Variants in AGPAT4 observed in about 807,000 individuals in gnomAD.
AGPAT4 encodes 1-acyl-sn-glycerol-3-phosphate acyltransferase delta.
In AGPAT4, 15 loss-of-function variants were observed where a neutral mutation model predicts 48.0. The observed-to-expected ratio is 0.31, with a 90% CI of 0.21 to 0.48. The LOEUF (loss-of-function observed/expected upper bound fraction) is 0.48, where lower values mean the gene tolerates loss of function less well. Ranked by LOEUF, AGPAT4 falls within the 20% of genes least tolerant of loss-of-function variation. AGPAT4 has a pLI of 0.99. For synonymous variants in AGPAT4, 178 were observed against 198.7 expected (o/e 0.90, Z 0.88); for missense variants, 314 against 482.5 (o/e 0.65, Z 3.27).
At chr6:161,273,163 T>G (rs3798962) in intron 1 of AGPAT4, among the ~76,000 whole-genome samples, 1,783 of 152,320 alleles carry the variant, frequency 0.012, 26 homozygotes, top group East Asian at 0.052. Flanking sequence ...TAAGAAGTGT[T>G]TAGGTTTTCT....
At position 161,153,373 on chromosome 6, in the gene AGPAT4, T is replaced by C. The variant is rs1779647406; in HGVS notation, c.637A>G (p.Ile213Val). ...ACATTTCTCAAGCTCCTCACGGTGA[T>C]GGCGAAGCCCTTGGTTCGTGGCAAC... ...HLLPRTKGFA[I>V]TVRSLRNVVS... Residue 213 changes from isoleucine (I) to valine (V), a missense_variant, in exon 5 of 9, where the codon ATC becomes GTC. Ile to Val is a conservative substitution (Grantham distance 29, BLOSUM62 3). Coordinates refer to ENST00000320285, the MANE Select transcript of AGPAT4 (RefSeq NM_020133.3). 3 of 1,610,200 alleles carry C rather than the reference T, an allele frequency of 1.9e-6. No homozygotes were observed. Among genetic ancestry groups the C allele is most frequent in the Non-Finnish European group, 2.5e-6 (3 of 1,178,280 alleles).
chr6:161,194,347 CT>C (rs1781003260), intron 2 of AGPAT4, among the ~76,000 whole-genome samples: 1 of 152,120 alleles, frequency 6.6e-6, no homozygotes, highest in Non-Finnish European at 1.5e-5. Context: ...GATAAAGCTT[CT>C]TGGCAATGTT....
Position 161,243,162 on chromosome 6 carries a change from C to T in AGPAT4, c.-89-10860G>A, listed in dbSNP as rs1582903773. ...ATTGTCGATTTCATCATCGTCATTGCTGCTACGTGGCTGTGGCTGTCAGCT... is the reference window on the plus strand; with the variant it reads ...ATTGTCGATTTCATCATCGTCATTGTTGCTACGTGGCTGTGGCTGTCAGCT... On this transcript the variant is annotated intron_variant, in intron 1 of 8. Coordinates refer to ENST00000320285, the MANE Select transcript of AGPAT4 (RefSeq NM_020133.3). This position sits in a 1 kb window ranked among gnomAD's most constrained non-coding sequence, Gnocchi z 4.8. 6.6e-6 allele frequency among the ~76,000 whole-genome samples: 1 copy of T among 152,086 alleles called. No homozygotes were observed. Among genetic ancestry groups the T allele is most frequent in the Non-Finnish European group, 1.5e-5 (1 of 68,014 alleles).
chr6:161,184,338 AGAG>A lies in AGPAT4; in HGVS notation c.179-17924_179-17922del, dbSNP rs554456611. On this transcript the variant is annotated intron_variant, in intron 2 of 8. Coordinates refer to ENST00000320285, the MANE Select transcript of AGPAT4 (RefSeq NM_020133.3). The surrounding 1 kb of genome is among the most constrained non-coding windows in gnomAD (Gnocchi z 4.8). ...TTGGGTTCAACGTGGTGTAAGAGAC[AGAG>A]GAGAATTCAGGAGTGAAGCTAAGGT... Among the ~76,000 whole-genome samples, 87 of 152,244 alleles carry A rather than the reference AGAG, an allele frequency of 5.7e-4. No individual in the cohort carries two copies. In the Middle Eastern group the frequency reaches 0.01, roughly 18 times the overall value.
At position 161,240,310 on chromosome 6, in the gene AGPAT4, A is replaced by C. The variant is rs1212881855; in HGVS notation, c.-89-8008T>G. 6.6e-6 allele frequency among the ~76,000 whole-genome samples: 1 copy of C among 151,984 alleles called. No individual in the cohort carries two copies. Among genetic ancestry groups the C allele is most frequent in the Non-Finnish European group, 1.5e-5 (1 of 67,996 alleles). On this transcript the variant is annotated intron_variant, in intron 1 of 8. Coordinates refer to ENST00000320285, the MANE Select transcript of AGPAT4 (RefSeq NM_020133.3). The surrounding 1 kb of genome is among the most constrained non-coding windows in gnomAD (Gnocchi z 5.5). ...CCTGGAAGCCTGGGCTGGGTTCAAG[A>C]CTACAGCTTCAGCATCTTTATCCTT...
rs1308691105 is a variant in AGPAT4 at position 161,244,238 on chromosome 6, C to T, written c.-89-11936G>A. 2.6e-5 allele frequency among the ~76,000 whole-genome samples: 4 copies of T among 152,120 alleles called. No individual in the cohort carries two copies. The highest frequency in any genetic ancestry group is 2.1e-4 in the South Asian group (1 of 4,820). ...GCAAAGAACAGGTAGGTCACAGTGCCGTCTGCCTCCCGCAAAGAAGCAGGA... is the reference window on the plus strand; with the variant it reads ...GCAAAGAACAGGTAGGTCACAGTGCTGTCTGCCTCCCGCAAAGAAGCAGGA... On this transcript the variant is annotated intron_variant, in intron 1 of 8. Coordinates refer to ENST00000320285, the MANE Select transcript of AGPAT4 (RefSeq NM_020133.3). This position sits in a 1 kb window ranked among gnomAD's most constrained non-coding sequence, Gnocchi z 4.7.
rs1374957201 is a variant in AGPAT4 at position 161,255,960 on chromosome 6, AG to A, written c.-90+17977del. Among the ~76,000 whole-genome samples, 5 of 152,198 alleles carry A rather than the reference AG, an allele frequency of 3.3e-5. No homozygotes were observed. The highest frequency in any genetic ancestry group is 1.2e-4 in the African/African-American group (5 of 41,458). ...CAAAACATAAGCAGAGTCAGCCTTC[AG>A]TCCACACAGCCATGTCAACACATAG... On this transcript the variant is annotated intron_variant, in intron 1 of 8. Transcript: ENST00000320285. The surrounding 1 kb of genome is among the most constrained non-coding windows in gnomAD (Gnocchi z 4.7).
Position 161,137,617 on chromosome 6 carries a change from G to A in AGPAT4, c.1043-983C>T, listed in dbSNP as rs1408796247. On this transcript the variant is annotated intron_variant, in intron 8 of 8. Transcript: ENST00000320285. The surrounding 1 kb of genome is among the most constrained non-coding windows in gnomAD (Gnocchi z 6.1). ...GAGCAGAAAGAAGTGAGTAAAACGTGGACCGTGTGGCCTTGGAAGAGGAGT... is the reference window on the plus strand; with the variant it reads ...GAGCAGAAAGAAGTGAGTAAAACGTAGACCGTGTGGCCTTGGAAGAGGAGT... 6.6e-6 allele frequency among the ~76,000 whole-genome samples: 1 copy of A among 150,920 alleles called. No individual in the cohort carries two copies. Among genetic ancestry groups the A allele is most frequent in the Non-Finnish European group, 1.5e-5 (1 of 67,982 alleles).
chr6:161,243,222 G>A lies in AGPAT4; in HGVS notation c.-89-10920C>T, dbSNP rs1327695775. Among the ~76,000 whole-genome samples, 1 of 152,154 alleles carries A rather than the reference G, an allele frequency of 6.6e-6. No homozygotes were observed. ...GCCTGTGAGGGCTGGAACGACATGG[G>A]AGCTGGGGACAGTGAAGGGGCAGCT... is the stretch of plus-strand genomic sequence containing the variant. On this transcript the variant is annotated intron_variant, in intron 1 of 8. Coordinates refer to ENST00000320285, the MANE Select transcript of AGPAT4 (RefSeq NM_020133.3). The surrounding 1 kb of genome is among the most constrained non-coding windows in gnomAD (Gnocchi z 4.8).
In AGPAT4 at chr6:161,254,952, G is replaced by A. The variant is rs1399795174; in HGVS notation, c.-90+18986C>T. The stretch of plus-strand genomic sequence containing the variant: ...TCACAAAAGCCAGCCCTGACTTCGC[G>A]AAGAAAAAGCCTCAAACTGCAGAAC... On this transcript the variant is annotated intron_variant, in intron 1 of 8. Transcript: ENST00000320285. This position sits in a 1 kb window ranked among gnomAD's most constrained non-coding sequence, Gnocchi z 5.9. Among the ~76,000 whole-genome samples, 3 of 152,140 alleles carry A rather than the reference G, an allele frequency of 2.0e-5. No homozygotes were observed. In the East Asian group the frequency reaches 5.8e-4, roughly 29 times the overall value.
rs1779161510 is a variant in AGPAT4 at position 161,138,903 on chromosome 6, C to A, written c.1042+519G>T. Among the ~76,000 whole-genome samples, 1 of 152,110 alleles carries A rather than the reference C, an allele frequency of 6.6e-6. No homozygotes were observed. Among genetic ancestry groups the A allele is most frequent in the African/African-American group, 2.4e-5 (1 of 41,418 alleles). The stretch of plus-strand genomic sequence containing the variant: ...CTTGCCACCAAGAAGCAGCAGTAGC[C>A]CGAGAATACCGGTCACCTGGAGCCA... On this transcript the variant is annotated intron_variant, in intron 8 of 8. Coordinates refer to ENST00000320285, the MANE Select transcript of AGPAT4 (RefSeq NM_020133.3). The surrounding 1 kb of genome is among the most constrained non-coding windows in gnomAD (Gnocchi z 4.8).
Position 161,154,459 on chromosome 6 carries a change from G to A in AGPAT4, c.349-149C>T. 1 of 887,944 alleles carries A rather than the reference G, an allele frequency of 1.1e-6. No homozygotes were observed. Among genetic ancestry groups the A allele is most frequent in the Non-Finnish European group, 1.7e-6 (1 of 596,524 alleles). 55.0% of individuals were successfully genotyped at this position (887,944 alleles called of 1,614,324 possible). A position where few individuals can be genotyped will look rare whatever the true frequency, so the allele number is the denominator to read the frequency against. Reference sequence around the variant, plus strand: ...CAGAACACATGCTGTCGAGGCCATGGACCCTGGTGCCCTCCCCACCTTTCA... The same window carrying A: ...CAGAACACATGCTGTCGAGGCCATGAACCCTGGTGCCCTCCCCACCTTTCA... On this transcript the variant is annotated intron_variant, in intron 3 of 8. Coordinates refer to ENST00000320285, the MANE Select transcript of AGPAT4 (RefSeq NM_020133.3). The surrounding 1 kb of genome is among the most constrained non-coding windows in gnomAD (Gnocchi z 7.8).
intron 1 of AGPAT4, among the ~76,000 whole-genome samples, chr6:161,241,042 A>G (rs1214655610): frequency 6.6e-6 from 1 of 152,052 alleles, no homozygotes; most frequent in East Asian, 1.9e-4. Flanking sequence ...AGGTGGGTGG[A>G]TCATGAGGTC....
rs779574861 is a variant in AGPAT4 at position 161,146,595 on chromosome 6, T to A, written c.772A>T (p.Ile258Phe). The change falls in exon 7 of 9, where the codon ATC becomes TTC. Residue 258 changes from isoleucine (I) to phenylalanine (F), a missense_variant. Physicochemically the swap from Ile to Phe is conservative, Grantham distance 21. Coordinates refer to ENST00000320285, the MANE Select transcript of AGPAT4 (RefSeq NM_020133.3). This position sits in a 1 kb window ranked among gnomAD's most constrained non-coding sequence, Gnocchi z 7.1. ...KYHADLYVRRIPLEDIPEDDD... is the reference protein window; with the variant it reads ...KYHADLYVRRFPLEDIPEDDD... ...TCTTCAGGGATGTCTTCCAGTGGGA[T>A]CCTCCTGCAAAGGCAGAGAGCAGCT... is the stretch of plus-strand genomic sequence containing the variant. 52 of 1,613,948 alleles carry A rather than the reference T, an allele frequency of 3.2e-5. No individual in the cohort carries two copies. The highest frequency in any genetic ancestry group is 4.2e-5 in the Non-Finnish European group (49 of 1,180,024).
Position 161,217,890 on chromosome 6 carries a change from C to G in AGPAT4, c.178+14146G>C, listed in dbSNP as rs1208172962. 2.5e-4 allele frequency among the ~76,000 whole-genome samples: 9 copies of G among 35,418 alleles called. No homozygotes were observed. The highest frequency in any genetic ancestry group is 4.3e-4 in the Non-Finnish European group (9 of 20,928). 23.2% of individuals were successfully genotyped at this position (35,418 alleles called of 152,430 possible). A position where few individuals can be genotyped will look rare whatever the true frequency, so the allele number is the denominator to read the frequency against. The stretch of plus-strand genomic sequence containing the variant: ...TGCACACACCAGCTCTGGGTTTGTT[C>G]TTGTTTGGATAACATGCAGAACTCA... On this transcript the variant is annotated intron_variant, in intron 2 of 8. Coordinates refer to ENST00000320285, the MANE Select transcript of AGPAT4 (RefSeq NM_020133.3). This position sits in a 1 kb window ranked among gnomAD's most constrained non-coding sequence, Gnocchi z 4.9.
intron 1 of AGPAT4, among the ~76,000 whole-genome samples, chr6:161,269,587 G>A (rs1020221768): frequency 6.6e-6 from 1 of 152,136 alleles, no homozygotes. Context: ...AGAGGTTGCA[G>A]TGAGCCATGA....
Position 161,215,470 on chromosome 6 carries a change from C to CG in AGPAT4, c.178+16565dup, listed in dbSNP as rs1196261518. Among the ~76,000 whole-genome samples the CG allele has an allele frequency of 6.6e-6, 1 of 152,146 alleles. No individual in the cohort carries two copies. Among genetic ancestry groups the CG allele is most frequent in the African/African-American group, 2.4e-5 (1 of 41,428 alleles). On this transcript the variant is annotated intron_variant, in intron 2 of 8. Coordinates refer to ENST00000320285, the MANE Select transcript of AGPAT4 (RefSeq NM_020133.3). This position sits in a 1 kb window ranked among gnomAD's most constrained non-coding sequence, Gnocchi z 4.5. Reference sequence around the variant, plus strand: ...CAGTGACTCACCCTGATCTCATGCTCGGTAATCAGGTTCAGATATCCTGGT... The same window carrying CG: ...CAGTGACTCACCCTGATCTCATGCTCGGGTAATCAGGTTCAGATATCCTGGT...
intron 3 of AGPAT4, chr6:161,160,800 G>C: frequency 2.8e-6 from 1 of 351,892 alleles, no homozygotes; most frequent in African/African-American, 2.1e-5. Flanking sequence ...CTTCTGAACG[G>C]ACAGCCCAGC....
chr6:161,152,722 TGA>T (rs1428566214), intron 5 of AGPAT4, among the ~76,000 whole-genome samples: 1 of 151,986 alleles, frequency 6.6e-6, no homozygotes, highest in Non-Finnish European at 1.5e-5. Flanking sequence ...GTGCTTTGCC[TGA>T]GAAGGAGCAC....
Sources: gnomAD v4.1 joint callset for allele counts (sites outside exome capture counted in the v4.1 genomes callset) on GRCh38, gnomAD v4.1.1 for gene constraint, Gnocchi (gnomAD v3.1) non-coding constraint, MANE v1.5 for transcripts, NCBI Gene and HGNC (gene_info 2026-07-23, HGNC 2026-07-21) for gene names.